Variants in FBXO3 observed in about 807,000 individuals in gnomAD.
FBXO3 encodes F-box protein 3, also known as F-box only protein 3.
FBXO3 carries 17 observed loss-of-function variants against 64.8 expected under a neutral mutation model. The ratio of observed to expected loss-of-function variants is 0.26; its 90% CI spans 0.18 to 0.39. The LOEUF is 0.39. Ranked by LOEUF, FBXO3 falls within the 10% of genes least tolerant of loss-of-function variation. The probability of loss-of-function intolerance (pLI) is 1.00; values close to 1 mark genes in which losing one functional copy is unlikely to be tolerated. For synonymous variants in FBXO3, 182 were observed against 201.6 expected (o/e 0.90, Z 0.82); for missense variants, 420 against 589.9 (o/e 0.71, Z 2.98).
At chr11:33,761,726 G>A (rs1386425331) in intron 3 of FBXO3, among the ~76,000 whole-genome samples, 1 of 152,172 alleles carries the variant, frequency 6.6e-6, no homozygotes, top group Non-Finnish European at 1.5e-5. Context: ...AACTGGGGCT[G>A]CTATCTCATC....
At chr11:33,765,845 C>T (rs756589624) in intron 3 of FBXO3, among the ~76,000 whole-genome samples, 10 of 152,128 alleles carry the variant, frequency 6.6e-5, no homozygotes, top group Non-Finnish European at 1.3e-4. Context: ...CCATGTGACA[C>T]GCCTGCTCAT....
At chr11:33,764,027 AGAT>A in intron 3 of FBXO3, among the ~76,000 whole-genome samples, 1 of 152,338 alleles carries the variant, frequency 6.6e-6, no homozygotes, top group African/African-American at 2.4e-5. Context: ...ACTCAATGCC[AGAT>A]ATTTACCCAG....
chr11:33,764,277 T>G (rs1855313795), intron 3 of FBXO3, among the ~76,000 whole-genome samples: 2 of 152,080 alleles, frequency 1.3e-5, no homozygotes, highest in Admixed American at 1.3e-4. Context: ...TTACATAAAG[T>G]TCAAAAAAGA....
intron 1 of FBXO3, 59 bp from the exon 2 acceptor site, chr11:33,770,889 A>G: frequency 6.8e-6 from 9 of 1,315,038 alleles, no homozygotes; most frequent in Non-Finnish European, 8.5e-6. Context: ...ATTTAAAAAT[A>G]AAGATTAAAA....
At chr11:33,766,135 G>A (rs553591687) in intron 3 of FBXO3, among the ~76,000 whole-genome samples, 1 of 152,148 alleles carries the variant, frequency 6.6e-6, no homozygotes, top group South Asian at 2.1e-4. Flanking sequence ...TTAATAAAGT[G>A]CTTTACTCAT....
chr11:33,762,330 C>T (rs1403393804), intron 3 of FBXO3, among the ~76,000 whole-genome samples: 1 of 152,162 alleles, frequency 6.6e-6, no homozygotes, highest in Non-Finnish European at 1.5e-5. Flanking sequence ...AACTCCGTAA[C>T]TGCAGAAAAT....
At chr11:33,756,391 T>C (rs558741769) in intron 4 of FBXO3, among the ~76,000 whole-genome samples, 92 of 152,356 alleles carry the variant, frequency 6.0e-4, no homozygotes, top group African/African-American at 2.1e-3. Flanking sequence ...ACAGTATAAA[T>C]GTAAAGCAGC....
chr11:33,767,098 T>C (rs1051397199), intron 3 of FBXO3, among the ~76,000 whole-genome samples: 1 of 151,986 alleles, frequency 6.6e-6, no homozygotes, highest in Non-Finnish European at 1.5e-5. Flanking sequence ...AGCAGAACCA[T>C]ATACCATATC....
intron 5 of FBXO3, 120 bp from the exon 6 acceptor site, chr11:33,754,620 A>C: frequency 1.3e-6 from 1 of 744,054 alleles, no homozygotes; most frequent in Non-Finnish European, 2.1e-6. Context: ...TGAGATAAGA[A>C]GATATATGGC....
chr11:33,766,293 G>A (rs1454760641), intron 3 of FBXO3, among the ~76,000 whole-genome samples: 2 of 152,148 alleles, frequency 1.3e-5, no homozygotes, highest in Non-Finnish European at 2.9e-5. Flanking sequence ...TAAACTCTCC[G>A]GGTATGTTTC....
Position 33,755,797 on chromosome 11 carries a change from T to C in FBXO3, c.652A>G (p.Lys218Glu). The change falls in exon 5 of 11, where the codon AAA becomes GAA. Residue 218 changes from lysine to glutamate, a missense_variant. Physicochemically the swap from Lys to Glu is moderately conservative, Grantham distance 56. Around this residue, in one of 3 missense-constraint regions of FBXO3, gnomAD observed 337 missense variants for 518.4 expected, o/e 0.65. Transcript: ENST00000265651. Reference sequence around the variant, plus strand: ...GGACATTGGTAGAAAACTTCATTTTTGTTTCGGCCCTCTGCAGCTTCCACT... The same window carrying C: ...GGACATTGGTAGAAAACTTCATTTTCGTTTCGGCCCTCTGCAGCTTCCACT... ...IAVEAAEGRNKNEVFYQCPDQ... is the reference protein window; with the variant it reads ...IAVEAAEGRNENEVFYQCPDQ... The C allele has an allele frequency of 6.2e-7, 1 of 1,614,102 alleles. No individual in the cohort carries two copies. The highest frequency in any genetic ancestry group is 2.2e-5 in the East Asian group (1 of 44,890).
intron 9 of FBXO3, 97 bp from the exon 10 acceptor site, chr11:33,747,417 A>G: frequency 1.0e-6 from 1 of 962,638 alleles, no homozygotes; most frequent in South Asian, 1.6e-5. Flanking sequence ...TAAACTATAT[A>G]ATAGTAAATG....
At chr11:33,751,411 T>C (rs1036352453) in intron 7 of FBXO3, 112 bp downstream of exon 7, 3 of 688,688 alleles carry the variant, frequency 4.4e-6, no homozygotes, top group African/African-American at 1.9e-5. Flanking sequence ...TCAACCTCAA[T>C]AGAGAGGTTC....
At chr11:33,761,453 T>C (rs1392227054) in intron 3 of FBXO3, among the ~76,000 whole-genome samples, 3 of 152,174 alleles carry the variant, frequency 2.0e-5, no homozygotes, top group Admixed American at 2.0e-4. Context: ...TGGAGGACTT[T>C]TCGTAATAAC....
At chr11:33,772,646 C>T (rs1036711419) in intron 1 of FBXO3, 2 of 152,260 alleles carry the variant, frequency 1.3e-5, no homozygotes, top group African/African-American at 4.8e-5. Context: ...CTTCTCACTT[C>T]CTATTCCTTA....
At chr11:33,762,017 A>C (rs1590579459) in intron 3 of FBXO3, among the ~76,000 whole-genome samples, 1 of 152,346 alleles carries the variant, frequency 6.6e-6, no homozygotes, top group East Asian at 1.9e-4. Context: ...AATTCAACTA[A>C]TTTGGGACCT....
At position 33,749,878 on chromosome 11, in the gene FBXO3, C is replaced by T. The variant is rs548299599; in HGVS notation, c.932+661G>A. Among the ~76,000 whole-genome samples the T allele has an allele frequency of 2.6e-5, 4 of 152,240 alleles. No individual in the cohort carries two copies. The South Asian group carries it at 8.3e-4, about 32-fold the overall frequency. ...ATATAGCAAAGGTTGCATACAGTAT[C>T]TAAATCCTAGGATGCTTCCTGGTAG... On this transcript the variant is annotated intron_variant, in intron 8 of 10. Transcript: ENST00000265651.
In FBXO3 at chr11:33,754,439, CT is replaced by C; in HGVS notation, c.724+15del. 6.4e-7 allele frequency: 1 copy of C among 1,565,806 alleles called. No individual in the cohort carries two copies. The highest frequency in any genetic ancestry group is 8.6e-7 in the Non-Finnish European group (1 of 1,162,558). On this transcript the variant is annotated intron_variant, in intron 6 of 10. Coordinates refer to ENST00000265651, the MANE Select transcript of FBXO3 (RefSeq NM_012175.4). Reference sequence around the variant, plus strand: ...GAAGAAGAAGAAGGGGGAAAAAAGACTTTTTTCTTTCCTACCTATAATAAAC... The same window carrying C: ...GAAGAAGAAGAAGGGGGAAAAAAGACTTTTTCTTTCCTACCTATAATAAAC...
rs33923647 is a variant in FBXO3 at position 33,763,626 on chromosome 11, C to CAA, written c.359-5027_359-5026dup. Among the ~76,000 whole-genome samples the CAA allele has an allele frequency of 8.3e-4, 85 of 102,958 alleles. 1 individual carries two copies. Among genetic ancestry groups the CAA allele is most frequent in the African/African-American group, 8.4e-4 (24 of 28,454 alleles). 67.5% of individuals were successfully genotyped at this position (102,958 alleles called of 152,430 possible). A position where few individuals can be genotyped will look rare whatever the true frequency, so the allele number is the denominator to read the frequency against. On this transcript the variant is annotated intron_variant, in intron 3 of 10. Transcript: ENST00000265651. ...TCTTCAATCTGATAAAGAATATCTA[C>CAA]AAAAAAAAAAAAAAAAAAAAACCCT...
Sources: gnomAD v4.1 joint callset for allele counts (sites outside exome capture counted in the v4.1 genomes callset) on GRCh38, gnomAD v4.1.1 for gene constraint, gnomAD v4.1.1 regional missense constraint, MANE v1.5 for transcripts, NCBI Gene and HGNC (gene_info 2026-07-23, HGNC 2026-07-21) for gene names.